The following VNN2 variants were observed in gnomAD, a reference collection of about 807,000 sequenced individuals.
VNN2 encodes vanin 2.
Under a neutral mutation model 43.0 loss-of-function variants are expected in VNN2, and 43 were observed. The ratio of observed to expected loss-of-function variants is 1.00; its 90% CI spans 0.78 to 1.29. The LOEUF is 1.29. Among genes scored for constraint, VNN2 ranks in the 50% most tolerant of loss-of-function variants. VNN2 has a pLI of 0.00. For synonymous variants in VNN2, 230 were observed against 224.3 expected (o/e 1.03, Z -0.23); for missense variants, 652 against 619.7 (o/e 1.05, Z -0.55).
At position 132,757,740 on chromosome 6, in the gene VNN2, C is replaced by T. The variant is rs1780570305; in HGVS notation, c.144G>A (p.Glu48=). The change falls in exon 1 of 7, where the codon GAG becomes GAA. Residue 48 remains glutamate, a synonymous_variant. Transcript: ENST00000326499. The part of the protein sequence containing the change: ...PNKTETPVSQ[E]DALNLMNENI... ...TCTCGTTCATGAGATTCAAGGCATC[C>T]TCCTGAGAAACTGGTGTTTCTGTTT... is the stretch of plus-strand genomic sequence containing the variant. The T allele has an allele frequency of 1.9e-6, 3 of 1,614,122 alleles. No individual in the cohort carries two copies. Among genetic ancestry groups the T allele is most frequent in the South Asian group, 1.1e-5 (1 of 91,076 alleles).
Position 132,744,150 on chromosome 6 carries a change from T to TA in VNN2, c.*149dup. 4.7e-6 allele frequency: 3 copies of TA among 633,394 alleles called. No individual in the cohort carries two copies. Among genetic ancestry groups the TA allele is most frequent in the East Asian group, 3.4e-5 (1 of 29,522 alleles). 39.2% of individuals were successfully genotyped at this position (633,394 alleles called of 1,614,324 possible). A position where few individuals can be genotyped will look rare whatever the true frequency, so the allele number is the denominator to read the frequency against. ...AAATGGACAACATTATCATAATACT[T>TA]AAAAAATAATTATTGATGAGAAAAA... On this transcript the variant is annotated 3_prime_UTR_variant, in exon 7 of 7. Coordinates refer to ENST00000326499, the MANE Select transcript of VNN2 (RefSeq NM_004665.6).
chr6:132,747,747 C>A (rs1779804425), intron 6 of VNN2, among the ~76,000 whole-genome samples: 2 of 152,168 alleles, frequency 1.3e-5, no homozygotes, highest in African/African-American at 4.8e-5. Flanking sequence ...TGCCTGAAGA[C>A]ATTTGGGATG....
chr6:132,751,658 C>G, intron 4 of VNN2, 140 bp from the exon 5 acceptor site: 1 of 960,580 alleles, frequency 1.0e-6, no homozygotes, highest in Non-Finnish European at 1.5e-6. Context: ...TCTAATTGCA[C>G]TGAACACCTA....
upstream of VNN2, chr6:132,758,045 T>TCTTCTTCTTC (rs1484257845): frequency 4.1e-5 from 14 of 343,546 alleles, no homozygotes; most frequent in African/African-American, 7.3e-4. Context: ...TCTTCTTTTT[T>TCTTCTTCTTC]TTTTTTTTTT....
chr6:132,747,276 A>G (rs1161246954), intron 6 of VNN2, among the ~76,000 whole-genome samples: 1 of 152,152 alleles, frequency 6.6e-6, no homozygotes, highest in Non-Finnish European at 1.5e-5. Context: ...CTGTATCAAA[A>G]TATCTCCTGT....
In VNN2 at chr6:132,757,448, C is replaced by T; in HGVS notation, c.312G>A (p.Gln104=). ...FPYLEDIPDP[Q]VNWIPCQDPH... is the part of the protein sequence containing the mutation. ...GGTCTTGACACGGAATCCAGTTCAC[C>T]TGAGGGTCTGGGATATCCTCCAGAT... The change falls in exon 2 of 7, where the codon CAG becomes CAA. Residue 104 remains glutamine (Q), a synonymous_variant. Transcript: ENST00000326499. The T allele has an allele frequency of 6.2e-7, 1 of 1,612,836 alleles. No individual in the cohort carries two copies. Among genetic ancestry groups the T allele is most frequent in the Non-Finnish European group, 8.5e-7 (1 of 1,179,638 alleles).
intron 2 of VNN2, 50 bp from the exon 3 acceptor site, chr6:132,756,085 T>A (rs113466303): frequency 2.0e-6 from 3 of 1,464,286 alleles, no homozygotes; most frequent in African/African-American, 2.9e-5. Flanking sequence ...AATATTTTAG[T>A]CACTTTATAT....
intron 4 of VNN2, among the ~76,000 whole-genome samples, chr6:132,751,993 G>A (rs1780137184): frequency 6.6e-6 from 1 of 152,164 alleles, no homozygotes; most frequent in East Asian, 1.9e-4. Flanking sequence ...GTGATGGTGG[G>A]TAACTAGTCA....
intron 6 of VNN2, among the ~76,000 whole-genome samples, chr6:132,747,561 G>A (rs1317056311): frequency 6.6e-6 from 1 of 152,076 alleles, no homozygotes; most frequent in Non-Finnish European, 1.5e-5. Context: ...AGTTTGCAGT[G>A]AGCTGAGATT....
At position 132,751,269 on chromosome 6, in the gene VNN2, G is replaced by T. The variant is rs1367957374; in HGVS notation, c.1076C>A (p.Thr359Lys). 2 of 1,614,144 alleles carry T rather than the reference G, an allele frequency of 1.2e-6. No individual in the cohort carries two copies. The highest frequency in any genetic ancestry group is 3.3e-5 in the Admixed American group (2 of 60,010). The change falls in exon 5 of 7, where the codon ACA (threonine) becomes AAA (lysine). Residue 359 changes from threonine (T) to lysine (K), a missense_variant. Transcript: ENST00000326499. ...ACAGCAAAGCTCCTTTTGACAGACT[G>T]TAAGGTTTCCTGCATTTTCAAAAAG... is the stretch of plus-strand genomic sequence containing the variant. ...TELFENAGNL[T>K]VCQKELCCHL...
At chr6:132,754,428 T>C (rs1780332194) in intron 3 of VNN2, among the ~76,000 whole-genome samples, 1 of 152,204 alleles carries the variant, frequency 6.6e-6, no homozygotes. Flanking sequence ...GTTAACGATT[T>C]TTTCCAATAG....
rs1204127531 is a variant in VNN2 at position 132,757,506 on chromosome 6, C to A, written c.254G>T (p.Gly85Val). 6.2e-7 allele frequency: 1 copy of A among 1,614,052 alleles called. No individual in the cohort carries two copies. The highest frequency in any genetic ancestry group is 1.1e-5 in the South Asian group (1 of 91,058). The stretch of plus-strand genomic sequence containing the variant: ...AACAGTTTCCCTGGTAAATTTCCAT[C>A]CATAAAGTGCATCTTCTGGAGTCAC... ...IIVTPEDALY[G>V]WKFTRETVFP... Residue 85 changes from glycine to valine, a missense_variant, in exon 2 of 7, where the codon GGA becomes GTA. Coordinates refer to ENST00000326499, the MANE Select transcript of VNN2 (RefSeq NM_004665.6).
At position 132,748,567 on chromosome 6, in the gene VNN2, G is replaced by C. The variant is rs564598676; in HGVS notation, c.1371+1128C>G. On this transcript the variant is annotated intron_variant, in intron 6 of 6. Coordinates refer to ENST00000326499, the MANE Select transcript of VNN2 (RefSeq NM_004665.6). ...GACCCTATTTTATAGAATATGCAAT[G>C]ATTTCACCCTAGTTACTGAAACCCT... Among the ~76,000 whole-genome samples, 4 of 152,262 alleles carry C rather than the reference G, an allele frequency of 2.6e-5. No homozygotes were observed. The South Asian group carries it at 8.3e-4, about 32-fold the overall frequency.
At chr6:132,762,048 C>A (rs6569847), upstream of VNN2, among the ~76,000 whole-genome samples, 34,787 of 152,140 alleles carry the variant, frequency 0.23, 6,507 homozygotes, top group African/African-American at 0.52. Context: ...TTGTTCAATT[C>A]AAATTCTAGT....
intron 5 of VNN2, 132 bp downstream of exon 5, chr6:132,751,009 TGTTG>T: frequency 8.0e-6 from 8 of 994,668 alleles, no homozygotes; most frequent in Non-Finnish European, 1.0e-5. Context: ...TGTGTGTGTG[TGTTG>T]TGTGTGTGTG....
intron 5 of VNN2, among the ~76,000 whole-genome samples, chr6:132,750,936 A>T (rs1053529677): frequency 6.6e-6 from 1 of 152,134 alleles, no homozygotes; most frequent in African/African-American, 2.4e-5. Context: ...AAGCAATAAG[A>T]TTATACTTAA....
At chr6:132,749,549 T>C in intron 6 of VNN2, 146 bp downstream of exon 6, 1 of 832,148 alleles carries the variant, frequency 1.2e-6, no homozygotes, top group Non-Finnish European at 1.8e-6. Context: ...AAGTTCAAAT[T>C]GCCAACCCAC....
At chr6:132,753,714 G>A (rs770853007) in intron 3 of VNN2, 1 of 215,846 alleles carries the variant, frequency 4.6e-6, no homozygotes, top group Non-Finnish European at 9.6e-6. Flanking sequence ...CACTTTGGGA[G>A]GCCAAGGCAG....
upstream of VNN2, among the ~76,000 whole-genome samples, chr6:132,758,583 T>C (rs1352156554): frequency 6.6e-6 from 1 of 152,170 alleles, no homozygotes; most frequent in Non-Finnish European, 1.5e-5. Context: ...AAATATCTCA[T>C]TTATTAAATT....
Sources: gnomAD v4.1 joint callset for allele counts (sites outside exome capture counted in the v4.1 genomes callset) on GRCh38, gnomAD v4.1.1 for gene constraint, MANE v1.5 for transcripts, NCBI Gene and HGNC (gene_info 2026-07-23, HGNC 2026-07-21) for gene names.